FOLH1: variants seen among roughly 807,000 people sequenced by gnomAD.
The protein encoded by FOLH1 is glutamate carboxypeptidase 2.
FOLH1 carries 54 observed loss-of-function variants against 93.9 expected under a neutral mutation model. The ratio of observed to expected loss-of-function variants is 0.57; its 90% CI spans 0.46 to 0.72. The LOEUF is 0.72. FOLH1 is among the 30% of genes least tolerant of loss of function. The pLI is 0.00. For missense variants in FOLH1, 571 were observed against 892.5 expected (o/e 0.64, Z 4.59); for synonymous variants, 249 against 303.6 (o/e 0.82, Z 1.87).
chr11:49,159,645 G>A (rs1050847020), intron 13 of FOLH1, among the ~76,000 whole-genome samples: 1 of 152,128 alleles, frequency 6.6e-6, no homozygotes, highest in African/African-American at 2.4e-5. Flanking sequence ...TGGCCTCATA[G>A]AATTAGTTAG....
chr11:49,183,727 CAA>C (rs1343706025), intron 6 of FOLH1, among the ~76,000 whole-genome samples: 1 of 151,908 alleles, frequency 6.6e-6, no homozygotes, highest in Non-Finnish European at 1.5e-5. Context: ...TAGAAAATCT[CAA>C]ATTACTACAC....
At chr11:49,151,963 A>C (rs1856553582) in intron 17 of FOLH1, among the ~76,000 whole-genome samples, 1 of 152,158 alleles carries the variant, frequency 6.6e-6, no homozygotes, top group Non-Finnish European at 1.5e-5. Flanking sequence ...TTCCCTGAGG[A>C]TAGCACAATT....
chr11:49,185,906 T>C (rs1861309003), intron 5 of FOLH1, 51 bp from the exon 6 acceptor site: 1 of 1,498,332 alleles, frequency 6.7e-7, no homozygotes, highest in African/African-American at 1.4e-5. Context: ...TTGTTCCAGA[T>C]TCGGTAATAT....
rs917482813 is a variant in FOLH1, at chr11:49,146,385, T to A, written c.*371A>T. Among the ~76,000 whole-genome samples, 7 of 152,218 alleles carry A rather than the reference T, an allele frequency of 4.6e-5. No individual in the cohort carries two copies. The highest frequency in any genetic ancestry group is 8.8e-5 in the Non-Finnish European group (6 of 68,038). ...AGGCCTCTGGCTTGGGATAATCTTG[T>A]GCATATTCCCCAGTGTGCTCTCTGA... is the stretch of plus-strand genomic sequence containing the variant. On this transcript the variant is annotated 3_prime_UTR_variant, in exon 19 of 19. Transcript: ENST00000256999.
At position 49,184,588 on chromosome 11, in the gene FOLH1, T is replaced by A. The variant is rs538601866; in HGVS notation, c.826+1081A>T. Among the ~76,000 whole-genome samples, 5 of 152,274 alleles carry A rather than the reference T, an allele frequency of 3.3e-5. No homozygotes were observed. The East Asian group carries it at 9.6e-4, about 29-fold the overall frequency. On this transcript the variant is annotated intron_variant, in intron 6 of 18. Coordinates refer to ENST00000256999, the MANE Select transcript of FOLH1 (RefSeq NM_004476.3). ...TTACTATAGGGTAATATGTGTCATT[T>A]TTTAAAAAAGAAAAAAATCTCTGAC...
At chr11:49,151,667 A>C (rs578053023) in intron 17 of FOLH1, among the ~76,000 whole-genome samples, 2 of 152,346 alleles carry the variant, frequency 1.3e-5, no homozygotes, top group African/African-American at 4.8e-5. Context: ...AACAGAGTGT[A>C]TCTTTACTAT....
intron 10 of FOLH1, 25 bp downstream of exon 10, chr11:49,173,332 T>A: frequency 6.3e-7 from 1 of 1,597,450 alleles, no homozygotes; most frequent in Non-Finnish European, 8.5e-7. Flanking sequence ...AGGCTGTTTT[T>A]TTTCTTGCTG....
At chr11:49,208,176 C>T (rs998979445) in intron 1 of FOLH1, 116 bp downstream of exon 1, 18 of 763,676 alleles carry the variant, frequency 2.4e-5, no homozygotes, top group African/African-American at 2.3e-4. Context: ...CGACCCTAAT[C>T]GCCGCCCCTG....
rs761766231 is a variant in FOLH1 at position 49,153,836 on chromosome 11, T to C, written c.1970+10A>G. ...ACATACACACATATGCACATATATG[T>C]AGAACATACTTGCTTTTGTCAAAGT... On this transcript the variant is annotated intron_variant, in intron 17 of 18. Coordinates refer to ENST00000256999, the MANE Select transcript of FOLH1 (RefSeq NM_004476.3). The C allele has an allele frequency of 6.3e-7, 1 of 1,588,522 alleles. No homozygotes were observed. The highest frequency in any genetic ancestry group is 1.1e-5 in the South Asian group (1 of 87,196).
At chr11:49,178,111 G>T (rs202710) in intron 7 of FOLH1, among the ~76,000 whole-genome samples, 56,642 of 151,992 alleles carry the variant, frequency 0.37, 12,035 homozygotes, top group African/African-American at 0.59. Flanking sequence ...CTCACCTGAA[G>T]AATAAAAGAT....
intron 13 of FOLH1, among the ~76,000 whole-genome samples, chr11:49,159,997 A>G (rs1857512940): frequency 6.6e-6 from 1 of 150,872 alleles, no homozygotes; most frequent in Admixed American, 6.6e-5. Context: ...ATCTCTGCTC[A>G]CTGCAACCTC....
chr11:49,205,333 C>T (rs111283389), intron 2 of FOLH1, among the ~76,000 whole-genome samples: 3,287 of 152,236 alleles, frequency 0.022, 120 homozygotes, highest in African/African-American at 0.076. Flanking sequence ...TTTCGTCCTA[C>T]ACTGGAAATA....
At chr11:49,161,358 T>C (rs1745841463) in intron 13 of FOLH1, among the ~76,000 whole-genome samples, 1 of 152,212 alleles carries the variant, frequency 6.6e-6, no homozygotes, top group African/African-American at 2.4e-5. Flanking sequence ...CTTGTTGAAT[T>C]GAATCCTTTA....
intron 3 of FOLH1, among the ~76,000 whole-genome samples, chr11:49,196,418 A>G (rs1480032367): frequency 6.6e-6 from 1 of 152,204 alleles, no homozygotes; most frequent in Admixed American, 6.5e-5. Flanking sequence ...ATTTAATTGC[A>G]ATAAAACCTA....
At position 49,161,951 on chromosome 11, in the gene FOLH1, C is replaced by T. The variant is rs560884840; in HGVS notation, c.1440+2754G>A. Among the ~76,000 whole-genome samples the T allele has an allele frequency of 2.0e-5, 3 of 152,330 alleles. No homozygotes were observed. In the South Asian group the frequency reaches 6.2e-4, roughly 32 times the overall value. On this transcript the variant is annotated intron_variant, in intron 13 of 18. Transcript: ENST00000256999. Reference sequence around the variant, plus strand: ...TTTTCTAAGAATGTTGAACATTGGCCTCCAATCTCTTCTGGCTTGCAGGGT... The same window carrying T: ...TTTTCTAAGAATGTTGAACATTGGCTTCCAATCTCTTCTGGCTTGCAGGGT...
At chr11:49,184,759 G>A (rs913417471) in intron 6 of FOLH1, among the ~76,000 whole-genome samples, 1 of 152,186 alleles carries the variant, frequency 6.6e-6, no homozygotes, top group African/African-American at 2.4e-5. Flanking sequence ...TAAAAATTTA[G>A]TTAGCTTTAA....
intron 4 of FOLH1, among the ~76,000 whole-genome samples, chr11:49,187,296 C>T (rs536091036): frequency 1.3e-5 from 2 of 152,248 alleles, no homozygotes; most frequent in African/African-American, 2.4e-5. Context: ...TCTCGATATT[C>T]TCATTGGCTC....
At chr11:49,183,359 A>G in intron 6 of FOLH1, 117 bp from the exon 7 acceptor site, 4 of 761,774 alleles carry the variant, frequency 5.3e-6, no homozygotes, top group Non-Finnish European at 8.3e-6. Context: ...AAAGTAAAAC[A>G]GATTAACAAT....
At chr11:49,161,424 GT>G (rs1857689390) in intron 13 of FOLH1, among the ~76,000 whole-genome samples, 1 of 151,924 alleles carries the variant, frequency 6.6e-6, no homozygotes, top group Non-Finnish European at 1.5e-5. Flanking sequence ...TTTAAAGTCT[GT>G]TTTGTCAGAA....
Sources: allele counts gnomAD v4.1 joint callset (sites outside exome capture counted in the v4.1 genomes callset), GRCh38; gene constraint gnomAD v4.1.1; transcripts MANE v1.5; gene names NCBI Gene and HGNC (gene_info 2026-07-23, HGNC 2026-07-21).